The following ARFGEF3 variants were observed in gnomAD, a reference collection of about 807,000 sequenced individuals.
ARFGEF3 encodes brefeldin A-inhibited guanine nucleotide-exchange protein 3.
In ARFGEF3, 96 loss-of-function variants were observed where a neutral mutation model predicts 221.7. The ratio of observed to expected loss-of-function variants is 0.43; its 90% CI spans 0.37 to 0.51. The LOEUF (loss-of-function observed/expected upper bound fraction) is 0.51, where lower values mean the gene tolerates loss of function less well. ARFGEF3 is among the 20% of genes least tolerant of loss of function. The pLI is 0.00. For synonymous variants in ARFGEF3, 1,145 were observed against 1,126.8 expected, an observed-to-expected ratio of 1.02 and a Z score of -0.32; for missense variants, 2,410 against 2,789.9, an observed-to-expected ratio of 0.86 and a Z score of 3.07.
chr6:138,239,297 C>T (rs1023700888), intron 6 of ARFGEF3, among the ~76,000 whole-genome samples: 1 of 152,074 alleles, frequency 6.6e-6, no homozygotes, highest in African/African-American at 2.4e-5. Context: ...GATTAAAATC[C>T]TTTTGAAATC....
chr6:138,334,355 G>A lies in ARFGEF3; in HGVS notation c.5509G>A (p.Val1837Met), dbSNP rs781757124. ...TCAAGAAACCATCACGGCCGAGCAA[G>A]TGAAGAAGGTCCTTTTTGAGGACGA... ...TNQETITAEQ[V>M]KKVLFEDDER... The change falls in exon 33 of 34, where the codon GTG (valine) becomes ATG (methionine). Residue 1837 changes from valine (V) to methionine (M), a missense_variant. Val to Met is a conservative substitution (Grantham distance 21). Transcript: ENST00000251691. This position sits in a 1 kb window ranked among gnomAD's most constrained non-coding sequence, Gnocchi z 5.1. The A allele has an allele frequency of 1.9e-6, 3 of 1,613,748 alleles. No homozygotes were observed. Among genetic ancestry groups the A allele is most frequent in the South Asian group, 1.1e-5 (1 of 91,022 alleles).
At chr6:138,206,493 A>C (rs1034000168) in intron 2 of ARFGEF3, among the ~76,000 whole-genome samples, 1 of 152,172 alleles carries the variant, frequency 6.6e-6, no homozygotes, top group African/African-American at 2.4e-5. Context: ...CTACTTCTTG[A>C]TGGAGACTAT....
At chr6:138,182,126 C>T (rs1405644283) in intron 2 of ARFGEF3, among the ~76,000 whole-genome samples, 1 of 152,178 alleles carries the variant, frequency 6.6e-6, no homozygotes, top group Non-Finnish European at 1.5e-5. Flanking sequence ...AGACAGTGGA[C>T]ACACTGAGGT....
rs370788641 is a variant in ARFGEF3, at chr6:138,280,155, A to G, written c.2452A>G (p.Met818Val). Residue 818 changes from methionine (M) to valine (V), a missense_variant, in exon 14 of 34, where the codon ATG (methionine) becomes GTG (valine). Met to Val is a conservative substitution (Grantham distance 21). Transcript: ENST00000251691. ...PEDNSLPLIT[M>V]LTDIDGLESS... ...AGATAACAGCCTTCCCCTCATCACA[A>G]TGCTGACCGGTCAGTGGTTCGTTGC... 5.0e-6 allele frequency: 8 copies of G among 1,613,580 alleles called. No individual in the cohort carries two copies. The highest frequency in any genetic ancestry group is 6.8e-6 in the Non-Finnish European group (8 of 1,179,660).
At chr6:138,208,285 AT>A (rs1777659974) in intron 3 of ARFGEF3, among the ~76,000 whole-genome samples, 1 of 152,094 alleles carries the variant, frequency 6.6e-6, no homozygotes, top group African/African-American at 2.4e-5. Context: ...CTTTAGGCAT[AT>A]TTTTAGAGCG....
At chr6:138,324,290 G>T in intron 31 of ARFGEF3, 136 bp downstream of exon 31, 1 of 975,334 alleles carries the variant, frequency 1.0e-6, no homozygotes, top group Non-Finnish European at 1.5e-6. Context: ...CCCAACTCTT[G>T]CCACTACCAT....
At position 138,285,973 on chromosome 6, in the gene ARFGEF3, T is replaced by C. The variant is rs758396255; in HGVS notation, c.2489T>C (p.Ile830Thr). Residue 830 changes from isoleucine (I) to threonine (T), a missense_variant, in exon 15 of 34, where the codon ATT (isoleucine) becomes ACT (threonine). By Grantham distance (89) the Ile-to-Thr change is moderately conservative (BLOSUM62 -1). Coordinates refer to ENST00000251691, the MANE Select transcript of ARFGEF3 (RefSeq NM_020340.5). The stretch of plus-strand genomic sequence containing the variant: ...ATTGACGGCTTAGAGAGCAGTGCCA[T>C]TGGTGGCCAGCTGATGGCCTCGGCT... The part of the protein sequence containing the change: ...TDIDGLESSA[I>T]GGQLMASAAT... 1.0e-4 allele frequency: 169 copies of C among 1,611,756 alleles called. No homozygotes were observed. The highest frequency in any genetic ancestry group is 1.3e-4 in the Non-Finnish European group (158 of 1,179,544).
chr6:138,335,206 C>T lies in ARFGEF3; in HGVS notation c.6342+18C>T. The T allele has an allele frequency of 6.6e-7, 1 of 1,507,898 alleles. No homozygotes were observed. The highest frequency in any genetic ancestry group is 8.8e-7 in the Non-Finnish European group (1 of 1,138,282). The allele number at this position is 1,507,898 out of a possible 1,614,324, so 93.4% of individuals were successfully genotyped here. On this transcript the variant is annotated intron_variant, in intron 33 of 33. Coordinates refer to ENST00000251691, the MANE Select transcript of ARFGEF3 (RefSeq NM_020340.5). ...AGATCCAGGTACATCCCTGTGGCCA[C>T]AGCAGGTGGGCGGGAGGCTGGGTTT...
chr6:138,168,352 C>T (rs1360181361), intron 1 of ARFGEF3, among the ~76,000 whole-genome samples: 1 of 152,152 alleles, frequency 6.6e-6, no homozygotes. Flanking sequence ...AAAAGGGAGG[C>T]TCCTAGTTGG....
At chr6:138,258,573 C>T (rs1778728767) in intron 10 of ARFGEF3, among the ~76,000 whole-genome samples, 1 of 152,172 alleles carries the variant, frequency 6.6e-6, no homozygotes, top group Non-Finnish European at 1.5e-5. Flanking sequence ...AATTCCATCC[C>T]GCCATTTAAC....
intron 2 of ARFGEF3, among the ~76,000 whole-genome samples, chr6:138,190,999 A>G (rs1685151145): frequency 6.6e-6 from 1 of 152,138 alleles, no homozygotes; most frequent in South Asian, 2.1e-4. Flanking sequence ...TCATGGATCC[A>G]TGACTCCAGG....
chr6:138,226,927 G>A (rs933350695), intron 4 of ARFGEF3, among the ~76,000 whole-genome samples: 1 of 152,198 alleles, frequency 6.6e-6, no homozygotes, highest in African/African-American at 2.4e-5. Flanking sequence ...CATCAGCCCT[G>A]TAATTAAAAT....
At chr6:138,289,208 C>A (rs913625060) in intron 17 of ARFGEF3, among the ~76,000 whole-genome samples, 1 of 152,200 alleles carries the variant, frequency 6.6e-6, no homozygotes. Context: ...CTGCCTTGGC[C>A]TCCCAATGTG....
intron 21 of ARFGEF3, among the ~76,000 whole-genome samples, chr6:138,297,381 T>A (rs1362355895): frequency 1.3e-5 from 2 of 152,206 alleles, no homozygotes; most frequent in Non-Finnish European, 2.9e-5. Flanking sequence ...GGGAACCCTA[T>A]GTCTTGGTTT....
chr6:138,209,650 A>G (rs1583012064), intron 3 of ARFGEF3, among the ~76,000 whole-genome samples: 1 of 152,170 alleles, frequency 6.6e-6, no homozygotes, highest in East Asian at 1.9e-4. Context: ...GAGTTTCACC[A>G]TGTTGGCCAG....
At chr6:138,253,439 A>G (rs993385871) in intron 8 of ARFGEF3, among the ~76,000 whole-genome samples, 1 of 152,178 alleles carries the variant, frequency 6.6e-6, no homozygotes, top group Non-Finnish European at 1.5e-5. Flanking sequence ...TTCAAGATCA[A>G]GGCGTCAGTG....
chr6:138,190,758 G>A (rs1429161340), intron 2 of ARFGEF3, among the ~76,000 whole-genome samples: 1 of 152,142 alleles, frequency 6.6e-6, no homozygotes, highest in Non-Finnish European at 1.5e-5. Context: ...CCATGTGCTG[G>A]GTGGTTTGTG....
chr6:138,247,903 T>G (rs1435741983), intron 8 of ARFGEF3, among the ~76,000 whole-genome samples: 1 of 152,170 alleles, frequency 6.6e-6, no homozygotes, highest in African/African-American at 2.4e-5. Flanking sequence ...TTTAGTAACT[T>G]CTTATATGAG....
At chr6:138,254,008 C>T (rs1186329019) in intron 9 of ARFGEF3, 24 bp downstream of exon 9, 5 of 1,490,696 alleles carry the variant, frequency 3.4e-6, no homozygotes, top group Middle Eastern at 1.7e-4. Context: ...CCTGACGCCC[C>T]GACGCTGATG....
Sources: gnomAD v4.1 joint callset for allele counts (sites outside exome capture counted in the v4.1 genomes callset) on GRCh38, gnomAD v4.1.1 for gene constraint, Gnocchi (gnomAD v3.1) non-coding constraint, MANE v1.5 for transcripts, NCBI Gene and HGNC (gene_info 2026-07-23, HGNC 2026-07-21) for gene names.